The following TAF4 variants were observed in gnomAD, a reference collection of about 807,000 sequenced individuals.
TAF4 encodes transcription initiation factor TFIID subunit 4.
TAF4 carries 9 observed loss-of-function variants against 90.3 expected under a neutral mutation model. The observed-to-expected ratio is 0.10, with a 90% confidence interval of 0.06 to 0.17. The LOEUF is 0.17. Ranked by LOEUF, TAF4 falls within the 10% of genes least tolerant of loss-of-function variation. The pLI, the probability that TAF4 is intolerant of heterozygous loss-of-function variation, is 1.00. For missense variants in TAF4, 1,351 were observed against 1,370.7 expected, an observed-to-expected ratio of 0.99 and a Z score of 0.23; for synonymous variants, 818 against 638.9, an observed-to-expected ratio of 1.28 and a Z score of -4.23.
Position 62,065,274 on chromosome 20 carries a change from G to T in TAF4, c.537C>A (p.Gly179=). ...RAGPGPGPGP[G]PGPGPGPGKP... ...TGCCAGGGCCAGGGCCGGGGCCGGG[G>T]CCGGGGCCGGGCCCGGGGCCGGGGC... is the stretch of plus-strand genomic sequence containing the variant. Residue 179 remains glycine (G), a synonymous_variant, in exon 1 of 15, where the codon GGC becomes GGA. Transcript: ENST00000252996. The T allele has an allele frequency of 3.2e-6, 3 of 928,548 alleles. No homozygotes were observed. Among genetic ancestry groups the T allele is most frequent in the African/African-American group, 1.9e-5 (1 of 52,636 alleles). The allele number at this position is 928,548 out of a possible 1,614,324, so 57.5% of individuals were successfully genotyped here. A position where few individuals can be genotyped will look rare whatever the true frequency, so the allele number is the denominator to read the frequency against.
At chr20:62,046,242 T>C (rs1308164313) in intron 1 of TAF4, among the ~76,000 whole-genome samples, 1 of 152,204 alleles carries the variant, frequency 6.6e-6, no homozygotes, top group African/African-American at 2.4e-5. Context: ...ACAGTTTACA[T>C]AAAACAAAAT....
At chr20:62,047,728 T>C (rs2056001535) in intron 1 of TAF4, among the ~76,000 whole-genome samples, 1 of 152,230 alleles carries the variant, frequency 6.6e-6, no homozygotes, top group Non-Finnish European at 1.5e-5. Context: ...GCCCAGGTGA[T>C]GCAACATGCT....
intron 14 of TAF4, among the ~76,000 whole-genome samples, chr20:61,996,677 T>C (rs927044775): frequency 4.6e-5 from 7 of 151,704 alleles, no homozygotes; most frequent in Non-Finnish European, 8.8e-5. Flanking sequence ...CACACGTCTA[T>C]AGTCCCAGCT....
intron 2 of TAF4, 130 bp downstream of exon 2, chr20:62,014,417 G>A: frequency 1.6e-6 from 2 of 1,236,354 alleles, no homozygotes; most frequent in Non-Finnish European, 2.1e-6. Flanking sequence ...GGATGGGACT[G>A]GGACGCCGCC....
intron 3 of TAF4, among the ~76,000 whole-genome samples, chr20:62,011,509 G>A (rs1421307356): frequency 6.6e-6 from 1 of 152,224 alleles, no homozygotes; most frequent in African/African-American, 2.4e-5. Context: ...GCACAGGACT[G>A]AGCAAGCTCC....
intron 5 of TAF4, chr20:62,008,828 A>C: frequency 2.2e-6 from 1 of 458,316 alleles, no homozygotes; most frequent in Non-Finnish European, 3.7e-6. Context: ...AGCCCGGGAG[A>C]CCTCCAGGCG....
chr20:62,064,797 C>G lies in TAF4; in HGVS notation c.1014G>C (p.Pro338=), dbSNP rs2056114109. The part of the protein sequence containing the change: ...QPGPGAAAAA[P]APGVKAESPK... Reference sequence around the variant, plus strand: ...GCGACTCGGCCTTGACCCCCGGCGCCGGCGCCGCAGCCGCCGCGCCGGGCC... The same window carrying G: ...GCGACTCGGCCTTGACCCCCGGCGCGGGCGCCGCAGCCGCCGCGCCGGGCC... The change falls in exon 1 of 15, where the codon CCG becomes CCC. Residue 338 remains proline, a synonymous_variant. Transcript: ENST00000252996. The G allele has an allele frequency of 2.0e-6, 2 of 1,020,860 alleles. No individual in the cohort carries two copies. Among genetic ancestry groups the G allele is most frequent in the Admixed American group, 5.9e-5 (1 of 16,916 alleles). 63.2% of individuals were successfully genotyped at this position (1,020,860 alleles called of 1,614,324 possible).
Position 62,065,726 on chromosome 20 carries a change from G to C in TAF4, c.85C>G (p.Leu29Val). The change falls in exon 1 of 15, where the codon CTG (leucine) becomes GTG (valine). Residue 29 changes from leucine (L) to valine (V), a missense_variant. Coordinates refer to ENST00000252996, the MANE Select transcript of TAF4 (RefSeq NM_003185.4). ...GCGCTGGCCGCCAGCTGCGACTCCA[G>C]CGAGCCCACCAGGTCGCTCACCACT... ...EKVVSDLVGSLESQLAASAAH... is the reference protein window; with the variant it reads ...EKVVSDLVGSVESQLAASAAH... 1 of 1,310,398 alleles carries C rather than the reference G, an allele frequency of 7.6e-7. No individual in the cohort carries two copies. The highest frequency in any genetic ancestry group is 9.9e-7 in the Non-Finnish European group (1 of 1,011,246). 81.2% of individuals were successfully genotyped at this position (1,310,398 alleles called of 1,614,324 possible).
At chr20:61,988,106 C>T (rs947852243) in intron 14 of TAF4, among the ~76,000 whole-genome samples, 5 of 152,126 alleles carry the variant, frequency 3.3e-5, no homozygotes, top group African/African-American at 7.2e-5. Context: ...GGCTGTGGAA[C>T]GACTCCACAT....
intron 1 of TAF4, among the ~76,000 whole-genome samples, chr20:62,017,533 GCTA>G (rs1330849552): frequency 6.6e-6 from 1 of 151,976 alleles, no homozygotes; most frequent in Admixed American, 6.5e-5. Flanking sequence ...TGTAGTCCCA[GCTA>G]CTTGGGAGGC....
chr20:62,029,828 C>G (rs576987167), intron 1 of TAF4, among the ~76,000 whole-genome samples: 1 of 152,288 alleles, frequency 6.6e-6, no homozygotes, highest in Admixed American at 6.5e-5. Flanking sequence ...ATCGCTTGAA[C>G]CCGGGAGTCG....
At chr20:61,984,218 A>G (rs900639356) in intron 14 of TAF4, among the ~76,000 whole-genome samples, 4 of 152,104 alleles carry the variant, frequency 2.6e-5, no homozygotes, top group Non-Finnish European at 4.4e-5. Flanking sequence ...CAGCACACCC[A>G]CAGACGCTGA....
At chr20:62,028,755 A>T (rs1349531285) in intron 1 of TAF4, among the ~76,000 whole-genome samples, 1 of 152,134 alleles carries the variant, frequency 6.6e-6, no homozygotes, top group African/African-American at 2.4e-5. Flanking sequence ...TCCAACACAG[A>T]TCTCCTTCCC....
At position 62,065,259 on chromosome 20, in the gene TAF4, AG is replaced by A. The variant is rs776976596; in HGVS notation, c.551del (p.Pro184LeufsTer15). The A allele has an allele frequency of 8.9e-5, 8 of 89,608 alleles. 1 individual carries two copies. In the South Asian group the frequency reaches 1.4e-3, roughly 16 times the overall value. The allele number at this position is 89,608 out of a possible 1,614,324, so 5.6% of individuals were successfully genotyped here. A position where few individuals can be genotyped will look rare whatever the true frequency, so the allele number is the denominator to read the frequency against. ...CGGGGCCGGCGGGCTTGCCAGGGCCAGGGCCGGGGCCGGGGCCGGGGCCGGG... is the reference window on the plus strand; with the variant it reads ...CGGGGCCGGCGGGCTTGCCAGGGCCAGGCCGGGGCCGGGGCCGGGGCCGGG... ...PGPGPGPGPG[P>X]GPGKPAGPGA... On this transcript the variant is annotated frameshift_variant, in exon 1 of 15. Coordinates refer to ENST00000252996, the MANE Select transcript of TAF4 (RefSeq NM_003185.4). LOFTEE classifies it high-confidence loss of function.
intron 4 of TAF4, 111 bp from the exon 5 acceptor site, chr20:62,009,285 T>C (rs1201591341): frequency 2.6e-6 from 3 of 1,149,620 alleles, no homozygotes; most frequent in African/African-American, 3.2e-5. Flanking sequence ...ATTTCTTCTC[T>C]AAACTTCTTT....
intron 1 of TAF4, among the ~76,000 whole-genome samples, chr20:62,050,541 A>C (rs2056020879): frequency 6.6e-6 from 1 of 150,808 alleles, no homozygotes; most frequent in Non-Finnish European, 1.5e-5. Flanking sequence ...CCTCCCCAGC[A>C]AGACCCACCA....
chr20:62,025,640 T>C (rs1043588884), intron 1 of TAF4, among the ~76,000 whole-genome samples: 3 of 152,240 alleles, frequency 2.0e-5, no homozygotes, highest in Admixed American at 6.5e-5. Context: ...AGGTACTTGC[T>C]TCCCCTTCGC....
At chr20:62,043,046 G>A (rs1434216736) in intron 1 of TAF4, among the ~76,000 whole-genome samples, 2 of 152,182 alleles carry the variant, frequency 1.3e-5, no homozygotes, top group African/African-American at 4.8e-5. Flanking sequence ...AGCTCGCTGG[G>A]CGTGGTGGCA....
intron 3 of TAF4, 56 bp downstream of exon 3, chr20:62,012,759 G>A: frequency 3.3e-6 from 5 of 1,530,050 alleles, no homozygotes; most frequent in Admixed American, 2.2e-5. Context: ...CTGCATCAAA[G>A]AAATCACACT....
Sources: gnomAD v4.1 joint callset for allele counts (sites outside exome capture counted in the v4.1 genomes callset) on GRCh38, gnomAD v4.1.1 for gene constraint, MANE v1.5 for transcripts, NCBI Gene and HGNC (gene_info 2026-07-23, HGNC 2026-07-21) for gene names.